The following SMC1B variants were observed in gnomAD, a reference collection of about 807,000 sequenced individuals.
The protein encoded by SMC1B is structural maintenance of chromosomes protein 1B.
In SMC1B, 60 loss-of-function variants were observed where a neutral mutation model predicts 157.9. The ratio of observed to expected loss-of-function variants is 0.38; its 90% CI spans 0.31 to 0.47. The LOEUF (loss-of-function observed/expected upper bound fraction) is 0.47. Among genes scored for constraint, SMC1B ranks in the 20% least tolerant of loss-of-function variants. The pLI is 0.99. For synonymous variants in SMC1B, 445 were observed against 483.0 expected, an observed-to-expected ratio of 0.92 and a Z score of 1.03; for missense variants, 1,165 against 1,426.2, an observed-to-expected ratio of 0.82 and a Z score of 2.95.
chr22:45,396,721 T>C (rs1051905477), intron 6 of SMC1B, among the ~76,000 whole-genome samples: 1 of 152,060 alleles, frequency 6.6e-6, no homozygotes, highest in South Asian at 2.1e-4. Flanking sequence ...TTTATTTATT[T>C]ATTTTTATTT....
intron 12 of SMC1B, among the ~76,000 whole-genome samples, chr22:45,380,543 A>C (rs1427714183): frequency 2.0e-5 from 3 of 152,118 alleles, no homozygotes; most frequent in Non-Finnish European, 4.4e-5. Context: ...AGCTTCTTCC[A>C]CTTAGTCTGC....
chr22:45,392,674 A>G (rs1442013617), intron 9 of SMC1B, among the ~76,000 whole-genome samples: 8 of 152,042 alleles, frequency 5.3e-5, no homozygotes, highest in Non-Finnish European at 1.2e-4. Flanking sequence ...GAAAACCATG[A>G]AAGTGTGGAT....
chr22:45,406,520 G>A lies in SMC1B; in HGVS notation c.555C>T (p.Asn185=), dbSNP rs2146853854. The A allele has an allele frequency of 6.2e-7, 1 of 1,612,534 alleles. No individual in the cohort carries two copies. The highest frequency in any genetic ancestry group is 8.5e-7 in the Non-Finnish European group (1 of 1,179,806). The change falls in exon 4 of 25, where the codon AAC becomes AAT. Residue 185 remains asparagine (N), a synonymous_variant. Transcript: ENST00000357450. ...LQKAEEDAQF[N]FNKKKNIAAE... ...CCGCTATATTTTTTTTCTTATTAAA[G>A]TTAAACTGTGCATCCTCTTCGGCTT...
intron 10 of SMC1B, among the ~76,000 whole-genome samples, chr22:45,389,109 A>G (rs1289943510): frequency 6.6e-6 from 1 of 152,136 alleles, no homozygotes; most frequent in Non-Finnish European, 1.5e-5. Flanking sequence ...GCTCTAAGGC[A>G]TGTGCTCTTA....
intron 12 of SMC1B, among the ~76,000 whole-genome samples, chr22:45,379,625 T>A (rs994611175): frequency 6.6e-6 from 1 of 152,120 alleles, no homozygotes; most frequent in Non-Finnish European, 1.5e-5. Flanking sequence ...CACTTCTAAT[T>A]CCTTGACTTT....
At chr22:45,350,851 C>T (rs1398000537) in intron 22 of SMC1B, among the ~76,000 whole-genome samples, 3 of 152,166 alleles carry the variant, frequency 2.0e-5, no homozygotes, top group Admixed American at 2.0e-4. Context: ...TCACCTTGGC[C>T]CAGTCACCAT....
intron 19 of SMC1B, among the ~76,000 whole-genome samples, chr22:45,355,517 C>T (rs1002496307): frequency 1.3e-5 from 2 of 152,148 alleles, no homozygotes; most frequent in African/African-American, 4.8e-5. Flanking sequence ...ACAGGTCTCA[C>T]TCTGTTGCTC....
At chr22:45,392,235 T>A (rs1407740076) in intron 9 of SMC1B, among the ~76,000 whole-genome samples, 3 of 152,032 alleles carry the variant, frequency 2.0e-5, no homozygotes, top group Non-Finnish European at 4.4e-5. Flanking sequence ...AGGCACCCAG[T>A]TCACCAGTTT....
chr22:45,406,459 C>G lies in SMC1B; in HGVS notation c.615+1G>C, dbSNP rs1284073969. Reference sequence around the variant, plus strand: ...ATGGTTACATCTTCATGACATCTTACCTCTTCCTTCTCTAATTTTGCTTGT... The same window carrying G: ...ATGGTTACATCTTCATGACATCTTAGCTCTTCCTTCTCTAATTTTGCTTGT... On this transcript the variant is annotated splice_donor_variant, in intron 4 of 24. Transcript: ENST00000357450. LOFTEE classifies it high-confidence loss of function. The G allele has an allele frequency of 6.2e-7, 1 of 1,604,996 alleles. No individual in the cohort carries two copies. The highest frequency in any genetic ancestry group is 8.5e-7 in the Non-Finnish European group (1 of 1,177,450).
intron 9 of SMC1B, among the ~76,000 whole-genome samples, chr22:45,391,954 G>GT (rs1487768269): frequency 6.6e-6 from 1 of 151,868 alleles, no homozygotes; most frequent in African/African-American, 2.4e-5. Context: ...ATTCACCAGT[G>GT]TTTTTTTGTT....
In SMC1B at chr22:45,383,450, T is replaced by C. The variant is rs1231846680; in HGVS notation, c.2058+17A>G. The C allele has an allele frequency of 6.4e-6, 10 of 1,566,936 alleles. No individual in the cohort carries two copies. In the South Asian group the frequency reaches 1.2e-4, roughly 19 times the overall value. ...TATTCTACTTAGTATATTACAACTT[T>C]TATGACATGGATTTACCTTTAGCTC... is the stretch of plus-strand genomic sequence containing the variant. On this transcript the variant is annotated intron_variant, in intron 12 of 24. Transcript: ENST00000357450.
chr22:45,395,601 T>C (rs891653135), intron 7 of SMC1B, among the ~76,000 whole-genome samples: 2 of 152,194 alleles, frequency 1.3e-5, no homozygotes, highest in Non-Finnish European at 2.9e-5. Flanking sequence ...CTCAGGCCTG[T>C]AATCCCAGCA....
intron 6 of SMC1B, among the ~76,000 whole-genome samples, chr22:45,398,098 A>G (rs2087146733): frequency 6.6e-6 from 1 of 152,144 alleles, no homozygotes; most frequent in Non-Finnish European, 1.5e-5. Flanking sequence ...CAGAGCTGTT[A>G]ACATGCCTTC....
At chr22:45,383,385 ACT>A in intron 12 of SMC1B, 80 bp downstream of exon 12, 1 of 952,090 alleles carries the variant, frequency 1.1e-6, no homozygotes, top group Non-Finnish European at 1.5e-6. Flanking sequence ...TAGAATTGGC[ACT>A]GTTATTATAA....
chr22:45,372,098 C>T, intron 13 of SMC1B, 57 bp downstream of exon 13: 1 of 1,439,902 alleles, frequency 6.9e-7, no homozygotes, highest in Non-Finnish European at 9.3e-7. Context: ...AATGTAATTC[C>T]TGAAATTCTA....
intron 19 of SMC1B, among the ~76,000 whole-genome samples, chr22:45,355,736 C>T (rs1013730601): frequency 4.6e-5 from 7 of 151,834 alleles, no homozygotes; most frequent in Non-Finnish European, 8.8e-5. Flanking sequence ...AAAAGTGCCA[C>T]GCCCTTCCAG....
chr22:45,406,668 T>A lies in SMC1B; in HGVS notation c.412-5A>T. The A allele has an allele frequency of 6.2e-7, 1 of 1,604,844 alleles. No individual in the cohort carries two copies. The highest frequency in any genetic ancestry group is 8.5e-7 in the Non-Finnish European group (1 of 1,177,084). Reference sequence around the variant, plus strand: ...TGAAATTGACTCTACAGTTCCCTTTTAAAAACAGTAATGCACATCAACATA... The same window carrying A: ...TGAAATTGACTCTACAGTTCCCTTTAAAAAACAGTAATGCACATCAACATA... On this transcript the variant is annotated splice_polypyrimidine_tract_variant and splice_region_variant and intron_variant, in intron 3 of 24. Coordinates refer to ENST00000357450, the MANE Select transcript of SMC1B (RefSeq NM_148674.5).
chr22:45,394,582 G>C (rs2087101419), intron 8 of SMC1B, 103 bp downstream of exon 8: 4 of 1,279,906 alleles, frequency 3.1e-6, no homozygotes, highest in East Asian at 6.6e-5. Flanking sequence ...GCTACCGTAA[G>C]CCATGACTGC....
chr22:45,379,848 C>T (rs2086919175), intron 12 of SMC1B, among the ~76,000 whole-genome samples: 1 of 150,970 alleles, frequency 6.6e-6, no homozygotes. Flanking sequence ...ATCTCCTGCC[C>T]CAGCCTCCCA....
Sources: allele counts gnomAD v4.1 joint callset (sites outside exome capture counted in the v4.1 genomes callset), GRCh38; gene constraint gnomAD v4.1.1; transcripts MANE v1.5; gene names NCBI Gene and HGNC (gene_info 2026-07-23, HGNC 2026-07-21).